C10orf90: variants seen among roughly 807,000 people sequenced by gnomAD.
The protein encoded by C10orf90 is (E2-independent) E3 ubiquitin-conjugating enzyme FATS.
Under a neutral mutation model 62.5 loss-of-function variants are expected in C10orf90, and 56 were observed. The observed-to-expected ratio is 0.90, with a 90% confidence interval of 0.72 to 1.12. The LOEUF is 1.12. Ranked by LOEUF, C10orf90 falls within the 50% of genes most tolerant of loss-of-function variation. The pLI is 0.00. For synonymous variants in C10orf90, 386 were observed against 340.4 expected (o/e 1.13, Z -1.47); for missense variants, 970 against 880.4 (o/e 1.10, Z -1.29).
intron 8 of C10orf90, among the ~76,000 whole-genome samples, chr10:126,428,493 G>A (rs1312115648): frequency 6.6e-6 from 1 of 152,182 alleles, no homozygotes; most frequent in East Asian, 1.9e-4. Context: ...AGAGCAGAGT[G>A]CAAACCCAGC....
At chr10:126,564,870 A>C (rs1432516971) in intron 2 of C10orf90, among the ~76,000 whole-genome samples, 594 of 7,446 alleles carry the variant, frequency 0.08, 219 homozygotes, top group African/African-American at 0.16. Flanking sequence ...TATATATTAT[A>C]TATAATATAT....
intron 1 of C10orf90, among the ~76,000 whole-genome samples, chr10:126,660,351 A>T (rs1261628822): frequency 6.6e-6 from 1 of 152,256 alleles, no homozygotes; most frequent in African/African-American, 2.4e-5. Context: ...TGAGCCTTTT[A>T]TAGAAGTCAG....
chr10:126,578,452 G>C (rs141267576), intron 2 of C10orf90, among the ~76,000 whole-genome samples: 340 of 152,240 alleles, frequency 2.2e-3, no homozygotes, highest in African/African-American at 7.8e-3. Flanking sequence ...ACACCCATCA[G>C]GATGGCTAAA....
At chr10:126,656,666 C>T (rs1381534242) in intron 1 of C10orf90, among the ~76,000 whole-genome samples, 7 of 152,182 alleles carry the variant, frequency 4.6e-5, no homozygotes, top group South Asian at 4.1e-4. Context: ...AGAGAGCAGA[C>T]GGGCGGCTGC....
At chr10:126,616,001 C>T (rs1436111186) in intron 2 of C10orf90, among the ~76,000 whole-genome samples, 1 of 152,330 alleles carries the variant, frequency 6.6e-6, no homozygotes, top group South Asian at 2.1e-4. Context: ...TAACCATGTG[C>T]GTGTCCCCTG....
Position 126,509,164 on chromosome 10 carries a change from A to T in C10orf90, c.406-4079T>A, listed in dbSNP as rs1305663065. ...TTTTGACTCTATCAGATGTGAACGG[A>T]TGAGGGAAGAGCAATCATGAATGGC... On this transcript the variant is annotated intron_variant, in intron 3 of 9. Coordinates refer to ENST00000488181, the MANE Select transcript of C10orf90 (RefSeq NM_001350921.2). 2.0e-5 allele frequency among the ~76,000 whole-genome samples: 3 copies of T among 152,218 alleles called. No individual in the cohort carries two copies. In the East Asian group the frequency reaches 5.8e-4, roughly 29 times the overall value.
chr10:126,493,559 G>A (rs988355801), intron 4 of C10orf90, among the ~76,000 whole-genome samples: 12 of 148,400 alleles, frequency 8.1e-5, no homozygotes, highest in African/African-American at 2.5e-4. Flanking sequence ...GTTTTGCCAT[G>A]TTGTCCAGGC....
intron 7 of C10orf90, among the ~76,000 whole-genome samples, chr10:126,451,914 C>T (rs1376786029): frequency 1.3e-5 from 2 of 151,978 alleles, no homozygotes; most frequent in Non-Finnish European, 2.9e-5. Context: ...ATGTTGGTTA[C>T]CAGGGGATAG....
At chr10:126,602,849 A>C (rs1017103464) in intron 2 of C10orf90, among the ~76,000 whole-genome samples, 1 of 151,104 alleles carries the variant, frequency 6.6e-6, no homozygotes, top group African/African-American at 2.4e-5. Context: ...AAATGTGGTC[A>C]TGTCTATTCA....
At chr10:126,529,302 C>G (rs975260380) in intron 2 of C10orf90, among the ~76,000 whole-genome samples, 1 of 152,002 alleles carries the variant, frequency 6.6e-6, no homozygotes, top group Non-Finnish European at 1.5e-5. Flanking sequence ...TTTCATGATC[C>G]TGAATAGGAA....
chr10:126,620,351 C>T (rs1470589958), intron 2 of C10orf90, among the ~76,000 whole-genome samples: 1 of 152,164 alleles, frequency 6.6e-6, no homozygotes, highest in African/African-American at 2.4e-5. Context: ...GTGCCACACA[C>T]CGGGTGACTA....
intron 2 of C10orf90, chr10:126,521,318 C>T: frequency 6.2e-7 from 1 of 1,614,094 alleles, no homozygotes; most frequent in South Asian, 1.1e-5. Context: ...ACAGTTTGAG[C>T]ATATTCTACT....
chr10:126,658,191 G>A (rs760331301), intron 1 of C10orf90, among the ~76,000 whole-genome samples: 1 of 152,180 alleles, frequency 6.6e-6, no homozygotes, highest in Non-Finnish European at 1.5e-5. Flanking sequence ...GACTTCAAAG[G>A]CAGACAGAAG....
At chr10:126,477,261 C>T (rs1860938359) in intron 4 of C10orf90, among the ~76,000 whole-genome samples, 1 of 146,614 alleles carries the variant, frequency 6.8e-6, no homozygotes, top group Non-Finnish European at 1.5e-5. Context: ...AATTTTTCCC[C>T]AGACCTTCTC....
intron 8 of C10orf90, 34 bp from the exon 9 acceptor site, chr10:126,426,124 G>T (rs1485415646): frequency 6.4e-7 from 1 of 1,551,766 alleles, no homozygotes; most frequent in Non-Finnish European, 8.9e-7. Flanking sequence ...TGGAATGGTA[G>T]CTTGACAGCG....
At chr10:126,648,565 C>T (rs779199441) in intron 1 of C10orf90, among the ~76,000 whole-genome samples, 11 of 152,142 alleles carry the variant, frequency 7.2e-5, no homozygotes, top group African/African-American at 1.2e-4. Context: ...TTAGCGTAGA[C>T]GCGCCATGGG....
rs562317648 is a variant in C10orf90 at position 126,579,759 on chromosome 10, G to GA, written c.314-65821dup. The stretch of plus-strand genomic sequence containing the variant: ...ATCTCACATATGTTTGTAAAGTAAT[G>GA]AAAAAAAAAAAAGAGCTGATTCTTA... On this transcript the variant is annotated intron_variant, in intron 2 of 9. Transcript: ENST00000488181. 7.9e-3 allele frequency among the ~76,000 whole-genome samples: 1,119 copies of GA among 142,006 alleles called. 15 individuals carry two copies. Among genetic ancestry groups the GA allele is most frequent in the African/African-American group, 0.022 (872 of 39,178 alleles). The allele number at this position is 142,006 out of a possible 152,430, so 93.2% of individuals were successfully genotyped here. A position where few individuals can be genotyped will look rare whatever the true frequency, so the allele number is the denominator to read the frequency against.
chr10:126,595,703 G>T (rs1397856461), intron 2 of C10orf90, among the ~76,000 whole-genome samples: 1 of 152,080 alleles, frequency 6.6e-6, no homozygotes, highest in Non-Finnish European at 1.5e-5. Context: ...TTCTAACATT[G>T]TTAGATGTGA....
At chr10:126,565,021 T>TAA (rs1417594848) in intron 2 of C10orf90, among the ~76,000 whole-genome samples, 3 of 9,190 alleles carry the variant, frequency 3.3e-4, no homozygotes, top group African/African-American at 4.0e-4. Context: ...ATAATATATA[T>TAA]TATATATTAT....
Sources: allele counts gnomAD v4.1 joint callset (sites outside exome capture counted in the v4.1 genomes callset), GRCh38; gene constraint gnomAD v4.1.1; transcripts MANE v1.5; gene names NCBI Gene and HGNC (gene_info 2026-07-23, HGNC 2026-07-21).